The following GUCY2F variants were observed in gnomAD, a reference collection of about 807,000 sequenced individuals.
GUCY2F encodes guanylate cyclase 2F, retinal, also known as retinal guanylyl cyclase 2.
GUCY2F carries 61 observed loss-of-function variants against 73.1 expected under a neutral mutation model. The ratio of observed to expected loss-of-function variants is 0.83; its 90% CI spans 0.68 to 1.03. The LOEUF (loss-of-function observed/expected upper bound fraction) is 1.03, where lower values mean the gene tolerates loss of function less well. Among genes scored for constraint, GUCY2F ranks in the 50% least tolerant of loss-of-function variants. GUCY2F has a pLI of 0.00. For missense variants in GUCY2F, 912 were observed against 854.3 expected, an observed-to-expected ratio of 1.07 and a Z score of -0.84; for synonymous variants, 331 against 307.8, an observed-to-expected ratio of 1.08 and a Z score of -0.79.
chrX:109,431,646 C>T (rs1219901605), intron 7 of GUCY2F, among the ~76,000 whole-genome samples: 1 of 103,126 alleles, frequency 9.7e-6, no homozygotes, highest in Non-Finnish European at 2.0e-5. Flanking sequence ...TTGCAGTGAG[C>T]GGAGATGGCG....
chrX:109,454,795 G>A (rs1016169897), intron 3 of GUCY2F, among the ~76,000 whole-genome samples: 1 of 110,340 alleles, frequency 9.1e-6, no homozygotes, highest in South Asian at 3.9e-4. Context: ...TCACACACGC[G>A]GCCATGGCTT....
intron 4 of GUCY2F, among the ~76,000 whole-genome samples, 154 bp downstream of exon 4, chrX:109,453,351 A>G (rs1432533847): frequency 4.5e-5 from 5 of 111,538 alleles, no homozygotes; most frequent in African/African-American, 1.3e-4. Context: ...ATTATTTTAA[A>G]TTAACTAGAT....
At chrX:109,424,181 C>T (rs1931431412) in intron 8 of GUCY2F, among the ~76,000 whole-genome samples, 1 of 111,301 alleles carries the variant, frequency 9.0e-6, no homozygotes, top group Admixed American at 9.5e-5. Context: ...AAAACTGGCA[C>T]AAGAAGAAAC....
At chrX:109,424,769 C>CTT (rs758625693) in intron 8 of GUCY2F, among the ~76,000 whole-genome samples, 5 of 101,248 alleles carry the variant, frequency 4.9e-5, no homozygotes, top group African/African-American at 1.1e-4. Context: ...ACAGGGAACA[C>CTT]TTTTTTTTTT....
intron 8 of GUCY2F, among the ~76,000 whole-genome samples, chrX:109,411,939 A>G (rs1028399966): frequency 8.9e-6 from 1 of 112,226 alleles, no homozygotes; most frequent in African/African-American, 3.2e-5. Flanking sequence ...AGAAAAGCCT[A>G]TTTAAAACCA....
intron 1 of GUCY2F, among the ~76,000 whole-genome samples, chrX:109,476,723 AAGATAGATAGATAGAT>A (rs3831757): frequency 7.8e-4 from 75 of 96,467 alleles, no homozygotes; most frequent in African/African-American, 2.0e-3. Context: ...CCCAGAGGTA[AAGATAGATAGATAGAT>A]AGATAGATAG....
chrX:109,474,222 A>G (rs1932633393), intron 2 of GUCY2F, among the ~76,000 whole-genome samples: 1 of 112,182 alleles, frequency 8.9e-6, no homozygotes, highest in South Asian at 3.7e-4. Context: ...GACCAGGACT[A>G]ATCCTTGAAG....
At chrX:109,407,836 T>C (rs1260576084) in intron 9 of GUCY2F, among the ~76,000 whole-genome samples, 3 of 113,299 alleles carry the variant, frequency 2.6e-5, no homozygotes, top group Non-Finnish European at 5.6e-5. Flanking sequence ...AACCTCTGCC[T>C]AGATTTCAGA....
intron 6 of GUCY2F, among the ~76,000 whole-genome samples, chrX:109,446,966 G>A (rs1399512314): frequency 7.1e-5 from 8 of 111,981 alleles, no homozygotes; most frequent in Non-Finnish European, 1.5e-4. Context: ...GTGGGAGAAG[G>A]TTATGAACAG....
chrX:109,465,658 C>A (rs763637548), intron 2 of GUCY2F, among the ~76,000 whole-genome samples: 13 of 112,167 alleles, frequency 1.2e-4, no homozygotes, highest in African/African-American at 4.2e-4. Flanking sequence ...CTACAGGCTG[C>A]AGAGCCTAAT....
intron 3 of GUCY2F, among the ~76,000 whole-genome samples, chrX:109,463,538 C>T (rs896838040): frequency 1.8e-4 from 19 of 106,582 alleles, no homozygotes; most frequent in Admixed American, 7.0e-4. Flanking sequence ...CCTGGGTTCA[C>T]GCCATTCTCC....
intron 8 of GUCY2F, among the ~76,000 whole-genome samples, chrX:109,409,724 C>A (rs1007901760): frequency 9.0e-6 from 1 of 111,267 alleles, no homozygotes; most frequent in African/African-American, 3.3e-5. Context: ...ATAAGTTTCA[C>A]GAGATCTGAT....
chrX:109,454,321 A>C (rs1209926778), intron 3 of GUCY2F, among the ~76,000 whole-genome samples: 1 of 111,828 alleles, frequency 8.9e-6, no homozygotes, highest in African/African-American at 3.2e-5. Flanking sequence ...TCCACAGTCC[A>C]TGTCTGTATC....
At chrX:109,379,406 T>C (rs764088924) in intron 17 of GUCY2F, among the ~76,000 whole-genome samples, 91 of 112,613 alleles carry the variant, frequency 8.1e-4, no homozygotes, top group Non-Finnish European at 1.7e-3. Context: ...GTTAAGTATT[T>C]GAGGTGATGG....
chrX:109,461,784 G>C (rs961233105), intron 3 of GUCY2F, among the ~76,000 whole-genome samples: 9 of 112,136 alleles, frequency 8.0e-5, no homozygotes, highest in Non-Finnish European at 1.7e-4. Flanking sequence ...TTCTGGACTG[G>C]CTCTAACATA....
chrX:109,386,850 G>A (rs1277200726), intron 15 of GUCY2F, among the ~76,000 whole-genome samples: 2 of 111,741 alleles, frequency 1.8e-5, no homozygotes, highest in African/African-American at 6.5e-5. Flanking sequence ...TTTTAAATAT[G>A]TTAAATTTGA....
At chrX:109,389,370 G>A (rs182580342) in intron 14 of GUCY2F, among the ~76,000 whole-genome samples, 15 of 111,714 alleles carry the variant, frequency 1.3e-4, no homozygotes, top group African/African-American at 4.9e-4. Context: ...AAACTTTTTG[G>A]GTAAATCCAA....
intron 3 of GUCY2F, 29 bp from the exon 4 acceptor site, chrX:109,453,888 G>T: frequency 1.2e-6 from 1 of 867,451 alleles, no homozygotes; most frequent in South Asian, 2.5e-5. Context: ...ATTATCTTGA[G>T]CCCTGGTCGC....
rs1477117341 is a variant in GUCY2F at position 109,372,984 on chromosome X, C to T, written c.*17G>A. ...GCCTCACCAAGAGAAGATTCAAATC[C>T]TGGAGCCCTTTGCCCCTGGGCGAGA... On this transcript the variant is annotated 3_prime_UTR_variant, in exon 20 of 20. Coordinates refer to ENST00000218006, the MANE Select transcript of GUCY2F (RefSeq NM_001522.3). 1.8e-5 allele frequency: 2 copies of T among 112,918 alleles called. No individual in the cohort carries two copies. The highest frequency in any genetic ancestry group is 3.8e-5 in the Non-Finnish European group (2 of 53,267). The allele number at this position is 112,918 out of a possible 1,213,427, so 9.3% of individuals were successfully genotyped here. A position where few individuals can be genotyped will look rare whatever the true frequency, so the allele number is the denominator to read the frequency against.
Sources: allele counts gnomAD v4.1 joint callset (sites outside exome capture counted in the v4.1 genomes callset), GRCh38; gene constraint gnomAD v4.1.1; transcripts MANE v1.5; gene names NCBI Gene and HGNC (gene_info 2026-07-23, HGNC 2026-07-21).